PABPC1: variants seen among roughly 807,000 people sequenced by gnomAD.
PABPC1 encodes poly(A) binding protein cytoplasmic 1.
Under a neutral mutation model 74.0 loss-of-function variants are expected in PABPC1, and 4 were observed. The ratio of observed to expected loss-of-function variants is 0.05; its 90% confidence interval spans 0.03 to 0.12. The LOEUF is 0.12. Ranked by LOEUF, PABPC1 falls within the 10% of genes least tolerant of loss-of-function variation. The pLI is 1.00. For missense variants in PABPC1, 271 were observed against 821.1 expected, an observed-to-expected ratio of 0.33 and a Z score of 8.19; for synonymous variants, 227 against 264.1, an observed-to-expected ratio of 0.86 and a Z score of 1.36.
Position 100,718,171 on chromosome 8 carries a change from T to A in PABPC1, c.303A>T (p.Ile101=). ...PSLRKSGVGN[I]FIKNLDKSID... ...TGGATTTGTCCAGATTTTTAATGAA[T>A]ATGTTGCCTACTCCACTTTTGCGAA... The change falls in exon 2 of 15, where the codon ATA becomes ATT. Residue 101 remains isoleucine (I), a synonymous_variant. Transcript: ENST00000318607. 6.2e-7 allele frequency: 1 copy of A among 1,614,190 alleles called. No individual in the cohort carries two copies. The highest frequency in any genetic ancestry group is 8.5e-7 in the Non-Finnish European group (1 of 1,179,988).
At position 100,721,568 on chromosome 8, in the gene PABPC1, G is replaced by T; in HGVS notation, c.16C>A (p.Pro6Thr). 1 of 1,593,468 alleles carries T rather than the reference G, an allele frequency of 6.3e-7. No homozygotes were observed. Among genetic ancestry groups the T allele is most frequent in the South Asian group, 1.1e-5 (1 of 89,462 alleles). ...TAGAGCGAGGCCATGGGGTAGCTGG[G>T]GGCACTGGGGTTCATCTCGGCACGG... MNPSA[P>T]SYPMASLYVG... The change falls in exon 1 of 15, where the codon CCC becomes ACC. Residue 6 changes from proline (P) to threonine (T), a missense_variant. Pro to Thr is a conservative substitution (Grantham distance 38, BLOSUM62 -1). Coordinates refer to ENST00000318607, the MANE Select transcript of PABPC1 (RefSeq NM_002568.4). This position sits in a 1 kb window ranked among gnomAD's most constrained non-coding sequence, Gnocchi z 7.4.
At chr8:100,709,438 T>C in intron 8 of PABPC1, 21 bp downstream of exon 8, 2 of 1,581,414 alleles carry the variant, frequency 1.3e-6, no homozygotes, top group Non-Finnish European at 8.6e-7. Flanking sequence ...TTCATGGTTC[T>C]GGTTGCCTTC....
Position 100,712,468 on chromosome 8 carries a change from G to C in PABPC1, c.877-11C>G. On this transcript the variant is annotated splice_polypyrimidine_tract_variant and intron_variant, in intron 6 of 14. Coordinates refer to ENST00000318607, the MANE Select transcript of PABPC1 (RefSeq NM_002568.4). Reference sequence around the variant, plus strand: ...ATAAAGATTAACACCCTAAAAAGAAGAAAAGAAAACTATAGAAAAAGAAAA... The same window carrying C: ...ATAAAGATTAACACCCTAAAAAGAACAAAAGAAAACTATAGAAAAAGAAAA... The C allele has an allele frequency of 3.8e-6, 6 of 1,561,184 alleles. No individual in the cohort carries two copies. The highest frequency in any genetic ancestry group is 5.2e-6 in the Non-Finnish European group (6 of 1,148,856).
Position 100,712,219 on chromosome 8 carries a change from C to T in PABPC1, c.972+143G>A, listed in dbSNP as rs75839324. On this transcript the variant is annotated intron_variant, in intron 7 of 14. Transcript: ENST00000318607. ...TAAGTTAACCATTAGGCTATGACAACCAGTTCAAATGTGAATTTAAGTTTT... is the reference window on the plus strand; with the variant it reads ...TAAGTTAACCATTAGGCTATGACAATCAGTTCAAATGTGAATTTAAGTTTT... 4,286 of 557,936 alleles carry T rather than the reference C, an allele frequency of 7.7e-3. 133 individuals carry two copies. The highest frequency in any genetic ancestry group is 0.073 in the African/African-American group (3,779 of 51,618). The allele number at this position is 557,936 out of a possible 1,614,324, so 34.6% of individuals were successfully genotyped here. A position where few individuals can be genotyped will look rare whatever the true frequency, so the allele number is the denominator to read the frequency against.
intron 14 of PABPC1, among the ~76,000 whole-genome samples, chr8:100,703,948 G>A (rs572472895): frequency 2.6e-5 from 4 of 151,774 alleles, no homozygotes; most frequent in South Asian, 2.1e-4. Context: ...CCAGCTGCTC[G>A]GGAGGCCGAG....
chr8:100,705,098 AG>A (rs748768152), intron 12 of PABPC1, 42 bp from the exon 13 acceptor site: 4 of 1,577,796 alleles, frequency 2.5e-6, no homozygotes, highest in Admixed American at 1.8e-5. Context: ...AATAAAAAAA[AG>A]TTTTTAACTG....
Position 100,713,064 on chromosome 8 carries a change from CCTG to C in PABPC1, c.738+20_738+22del, listed in dbSNP as rs766663875. ...CAACTCAACTTTGTACCCCCTTCTT[CCTG>C]CTGAATACAGACCACTTACTTTCTG... On this transcript the variant is annotated intron_variant, in intron 5 of 14. Transcript: ENST00000318607. 3.3e-6 allele frequency: 5 copies of C among 1,525,844 alleles called. No individual in the cohort carries two copies. The East Asian group carries it at 6.8e-5, about 21-fold the overall frequency. 94.5% of individuals were successfully genotyped at this position (1,525,844 alleles called of 1,614,324 possible). A position where few individuals can be genotyped will look rare whatever the true frequency, so the allele number is the denominator to read the frequency against.
At position 100,712,460 on chromosome 8, in the gene PABPC1, A is replaced by C. The variant is rs769049279; in HGVS notation, c.877-3T>G. On this transcript the variant is annotated splice_polypyrimidine_tract_variant and splice_region_variant and intron_variant, in intron 6 of 14. Transcript: ENST00000318607. Reference sequence around the variant, plus strand: ...TTTTTCACATAAAGATTAACACCCTAAAAAGAAGAAAAGAAAACTATAGAA... The same window carrying C: ...TTTTTCACATAAAGATTAACACCCTCAAAAGAAGAAAAGAAAACTATAGAA... 1 of 1,568,394 alleles carries C rather than the reference A, an allele frequency of 6.4e-7. No homozygotes were observed. Among genetic ancestry groups the C allele is most frequent in the Admixed American group, 1.9e-5 (1 of 53,300 alleles).
At chr8:100,714,349 A>T (rs536833792) in intron 4 of PABPC1, among the ~76,000 whole-genome samples, 1 of 152,302 alleles carries the variant, frequency 6.6e-6, no homozygotes, top group East Asian at 1.9e-4. Flanking sequence ...GTCACTTTCT[A>T]TGTTTTATAT....
intron 9 of PABPC1, among the ~76,000 whole-genome samples, 186 bp downstream of exon 9, chr8:100,708,947 G>A (rs548664694): frequency 2.0e-5 from 3 of 151,982 alleles, no homozygotes; most frequent in African/African-American, 7.2e-5. Context: ...TTTTATAAAG[G>A]GAAATCAAAC....
chr8:100,707,058 A>C, intron 9 of PABPC1, 61 bp from the exon 10 acceptor site: 2 of 1,234,970 alleles, frequency 1.6e-6, no homozygotes, highest in Middle Eastern at 1.9e-4. Flanking sequence ...AAAAGTGTTT[A>C]TGCTGTCTTC....
In PABPC1 at chr8:100,709,727, A is replaced by G. The variant is rs1810477584; in HGVS notation, c.977T>C (p.Met326Thr). 1 of 1,287,004 alleles carries G rather than the reference A, an allele frequency of 7.8e-7. No individual in the cohort carries two copies. The allele number at this position is 1,287,004 out of a possible 1,614,324, so 79.7% of individuals were successfully genotyped here. The stretch of plus-strand genomic sequence containing the variant: ...CCCTTTGCTGCGACCACCCTCCATC[A>G]TAACCTATTAAAAAAAAGAAAAAAA... ...PFGTITSAKV[M>T]MEGGRSKGFG... Residue 326 changes from methionine to threonine, a missense_variant, in exon 8 of 15, where the codon ATG (methionine) becomes ACG (threonine). Met to Thr is a moderately conservative substitution (Grantham distance 81). This residue lies in a region of PABPC1 where 78 missense variants were observed against 202.8 expected (regional missense o/e 0.38). Coordinates refer to ENST00000318607, the MANE Select transcript of PABPC1 (RefSeq NM_002568.4).
At chr8:100,718,311 T>C in intron 1 of PABPC1, 31 bp from the exon 2 acceptor site, 1 of 1,578,432 alleles carries the variant, frequency 6.3e-7, no homozygotes, top group Non-Finnish European at 8.6e-7. Flanking sequence ...GAGTCAATAT[T>C]ACTTCAAAAT....
In PABPC1 at chr8:100,704,394, A is replaced by C. The variant is rs1233059370; in HGVS notation, c.1819-4T>G. ...GTACAGCTACAGCTTCATCAACCTA[A>C]AAAAGGGGAAAACAGATAAACTGGT... On this transcript the variant is annotated splice_polypyrimidine_tract_variant and splice_region_variant and intron_variant, in intron 13 of 14. Transcript: ENST00000318607. The C allele has an allele frequency of 2.5e-6, 4 of 1,609,928 alleles. No individual in the cohort carries two copies. The highest frequency in any genetic ancestry group is 3.4e-6 in the Non-Finnish European group (4 of 1,176,222).
intron 4 of PABPC1, among the ~76,000 whole-genome samples, chr8:100,713,826 T>C (rs766357006): frequency 6.6e-6 from 1 of 150,416 alleles, no homozygotes; most frequent in Non-Finnish European, 1.5e-5. Context: ...AACAAGTATT[T>C]ATTAAGCCTT....
chr8:100,718,549 G>A lies in PABPC1; in HGVS notation c.194-269C>T, dbSNP rs139489828. ...TGCTAATAATTAATAAATTCTTGAC[G>A]CAATCTCTCGCCTTAATTGCCATTA... On this transcript the variant is annotated intron_variant, in intron 1 of 14. Transcript: ENST00000318607. Among the ~76,000 whole-genome samples, 9 of 152,252 alleles carry A rather than the reference G, an allele frequency of 5.9e-5. No individual in the cohort carries two copies. The East Asian group carries it at 1.3e-3, about 23-fold the overall frequency.
intron 7 of PABPC1, 80 bp downstream of exon 7, chr8:100,712,282 T>G: frequency 1.2e-6 from 1 of 803,238 alleles, no homozygotes; most frequent in Non-Finnish European, 2.0e-6. Context: ...GTGGCTATAA[T>G]AATACAAAAT....
At chr8:100,715,122 T>TACACACACACACACACAC (rs56819980) in intron 4 of PABPC1, among the ~76,000 whole-genome samples, 11 of 131,302 alleles carry the variant, frequency 8.4e-5, no homozygotes, top group African/African-American at 1.4e-4. Flanking sequence ...GATCTCTAAT[T>TACACACACACACACACAC]ACACACACAC....
intron 9 of PABPC1, among the ~76,000 whole-genome samples, chr8:100,708,240 T>C (rs1311168285): frequency 6.6e-6 from 1 of 152,136 alleles, no homozygotes; most frequent in Non-Finnish European, 1.5e-5. Context: ...ATAATCATGA[T>C]AAAATTCTAA....
Sources: allele counts gnomAD v4.1 joint callset (sites outside exome capture counted in the v4.1 genomes callset), GRCh38; gene constraint gnomAD v4.1.1; regional missense constraint gnomAD v4.1.1; non-coding constraint Gnocchi (gnomAD v3.1); transcripts MANE v1.5; gene names NCBI Gene and HGNC (gene_info 2026-07-23, HGNC 2026-07-21).